The following ACTN2 variants were observed in gnomAD, a reference collection of about 807,000 sequenced individuals.
ACTN2 encodes alpha-actinin-2.
In ACTN2, 39 loss-of-function variants were observed where a neutral mutation model predicts 113.8. The observed-to-expected ratio is 0.34, with a 90% CI of 0.27 to 0.45. The LOEUF (loss-of-function observed/expected upper bound fraction) is 0.45. Ranked by LOEUF, ACTN2 falls within the 20% of genes least tolerant of loss-of-function variation. The pLI is 1.00. For synonymous variants in ACTN2, 429 were observed against 444.1 expected (o/e 0.97, Z 0.43); for missense variants, 992 against 1,177.9 (o/e 0.84, Z 2.31).
At chr1:236,689,459 C>T (rs1385390761) in intron 1 of ACTN2, among the ~76,000 whole-genome samples, 1 of 151,388 alleles carries the variant, frequency 6.6e-6, no homozygotes, top group Non-Finnish European at 1.5e-5. Context: ...TAGCCTTGAC[C>T]TCCTGGGCTC....
intron 1 of ACTN2, among the ~76,000 whole-genome samples, chr1:236,715,513 A>G (rs968758644): frequency 2.1e-4 from 32 of 152,290 alleles, no homozygotes; most frequent in Admixed American, 3.9e-4. Flanking sequence ...TGCACCATCC[A>G]ATACTACTAG....
chr1:236,747,193 G>A (rs1415981932), intron 12 of ACTN2, among the ~76,000 whole-genome samples: 2 of 152,166 alleles, frequency 1.3e-5, no homozygotes, highest in East Asian at 1.9e-4. Context: ...AGAAGACAAC[G>A]GTTCTCTCTG....
rs372642966 is a variant in ACTN2 at position 236,709,255 on chromosome 1, T to TACACACACAC, written c.127-8595_127-8586dup. Among the ~76,000 whole-genome samples the TACACACACAC allele has an allele frequency of 7.3e-4, 50 of 68,908 alleles. 2 individuals carry two copies. Among genetic ancestry groups the TACACACACAC allele is most frequent in the East Asian group, 5.6e-3 (15 of 2,672 alleles). 45.2% of individuals were successfully genotyped at this position (68,908 alleles called of 152,430 possible). On this transcript the variant is annotated intron_variant, in intron 1 of 20. Coordinates refer to ENST00000366578, the MANE Select transcript of ACTN2 (RefSeq NM_001103.4). ...ATATATATATATATATATATATATA[T>TACACACACAC]ACACACACACACACACATATATATG...
chr1:236,694,922 C>T (rs1275289275), intron 1 of ACTN2, among the ~76,000 whole-genome samples: 1 of 151,722 alleles, frequency 6.6e-6, no homozygotes, highest in African/African-American at 2.4e-5. Flanking sequence ...TAAAAATTAG[C>T]CGGTATGGTG....
At position 236,722,647 on chromosome 1, in the gene ACTN2, A is replaced by AAG. The variant is rs1359123792; in HGVS notation, c.448+2457_448+2458insGA. Among the ~76,000 whole-genome samples, 9 of 151,614 alleles carry AAG rather than the reference A, an allele frequency of 5.9e-5. No homozygotes were observed. In the East Asian group the frequency reaches 7.7e-4, roughly 13 times the overall value. On this transcript the variant is annotated intron_variant, in intron 4 of 20. Transcript: ENST00000366578. The stretch of plus-strand genomic sequence containing the variant: ...AAGACTCCGTCTCAAAAAAAAAAAA[A>AAG]AAAAGAAAAAGAAAATGAGAGATTA...
Position 236,754,731 on chromosome 1 carries a change from C to A in ACTN2, c.1975-288C>A, listed in dbSNP as rs1659502296. 6.6e-6 allele frequency among the ~76,000 whole-genome samples: 1 copy of A among 152,222 alleles called. No individual in the cohort carries two copies. The highest frequency in any genetic ancestry group is 1.5e-5 in the Non-Finnish European group (1 of 68,040). ...AGCTCTGCCCGAGGGCGTTTCCTTC[C>A]CACAGCAAGAAGCTGAAGGACTTAT... On this transcript the variant is annotated intron_variant, in intron 16 of 20. Transcript: ENST00000366578. This position sits in a 1 kb window ranked among gnomAD's most constrained non-coding sequence, Gnocchi z 4.9.
Position 236,749,223 on chromosome 1 carries a change from C to G in ACTN2, c.1615C>G (p.Leu539Val). 6.2e-7 allele frequency: 1 copy of G among 1,614,186 alleles called. No individual in the cohort carries two copies. The highest frequency in any genetic ancestry group is 8.5e-7 in the Non-Finnish European group (1 of 1,180,042). Residue 539 changes from leucine to valine, a missense_variant, in exon 14 of 21, where the codon CTG becomes GTG. By Grantham distance (32) the Leu-to-Val change is conservative (BLOSUM62 1). Coordinates refer to ENST00000366578, the MANE Select transcript of ACTN2 (RefSeq NM_001103.4). The part of the protein sequence containing the change: ...NNWMEGAMED[L>V]QDMFIVHSIE... ...TTGGATGGAGGGCGCTATGGAGGAT[C>G]TGCAAGATATGTTCATTGTCCACAG...
chr1:236,755,078 G>A lies in ACTN2; in HGVS notation c.2034G>A (p.Leu678=). Residue 678 remains leucine, a synonymous_variant, in exon 17 of 21, where the codon CTG becomes CTA. Coordinates refer to ENST00000366578, the MANE Select transcript of ACTN2 (RefSeq NM_001103.4). ...CCCTGGAAGACCAGATGAACCAGCTGAAGCAGTATGAGCACAACATCATCA... is the reference window on the plus strand; with the variant it reads ...CCCTGGAAGACCAGATGAACCAGCTAAAGCAGTATGAGCACAACATCATCA... ...TGALEDQMNQ[L]KQYEHNIINY... 6.2e-7 allele frequency: 1 copy of A among 1,614,222 alleles called. No individual in the cohort carries two copies. Among genetic ancestry groups the A allele is most frequent in the South Asian group, 1.1e-5 (1 of 91,092 alleles).
At chr1:236,723,437 A>G (rs746018679) in intron 4 of ACTN2, among the ~76,000 whole-genome samples, 66 of 152,164 alleles carry the variant, frequency 4.3e-4, no homozygotes, top group Admixed American at 4.6e-4. Context: ...AGTATGAACT[A>G]AAATGGACAG....
intron 1 of ACTN2, among the ~76,000 whole-genome samples, chr1:236,712,833 A>G (rs890077807): frequency 6.6e-6 from 1 of 152,150 alleles, no homozygotes; most frequent in Non-Finnish European, 1.5e-5. Flanking sequence ...GACTTTCACC[A>G]GCAATATTTG....
Position 236,712,904 on chromosome 1 carries a change from T to A in ACTN2, c.127-4954T>A, listed in dbSNP as rs1393547568. 4.2e-5 allele frequency among the ~76,000 whole-genome samples: 6 copies of A among 143,156 alleles called. No homozygotes were observed. The East Asian group carries it at 1.2e-3, about 29-fold the overall frequency. The allele number at this position is 143,156 out of a possible 152,430, so 93.9% of individuals were successfully genotyped here. On this transcript the variant is annotated intron_variant, in intron 1 of 20. Coordinates refer to ENST00000366578, the MANE Select transcript of ACTN2 (RefSeq NM_001103.4). ...TTATAAATGTTTATCTCATTATATG[T>A]TCTCTCCATCAGTTGCTTTTTTTTT...
intron 1 of ACTN2, among the ~76,000 whole-genome samples, chr1:236,699,458 T>G (rs977397177): frequency 6.6e-6 from 1 of 152,112 alleles, no homozygotes; most frequent in Non-Finnish European, 1.5e-5. Flanking sequence ...CTAAACTTCT[T>G]GAGAGTTTTA....
At chr1:236,724,502 T>C (rs1441470261) in intron 4 of ACTN2, among the ~76,000 whole-genome samples, 1 of 152,194 alleles carries the variant, frequency 6.6e-6, no homozygotes, top group African/African-American at 2.4e-5. Flanking sequence ...GGCTGACACC[T>C]GGGCCGAGAA....
At chr1:236,718,013 C>A (rs1658272380) in intron 2 of ACTN2, 41 bp downstream of exon 2, 2 of 1,459,266 alleles carry the variant, frequency 1.4e-6, no homozygotes, top group African/African-American at 1.4e-5. Flanking sequence ...CATGTGTTAT[C>A]AGTAGGTGAG....
At chr1:236,721,915 T>C (rs983840171) in intron 4 of ACTN2, among the ~76,000 whole-genome samples, 3 of 152,144 alleles carry the variant, frequency 2.0e-5, no homozygotes, top group African/African-American at 7.2e-5. Flanking sequence ...AATGGTATTA[T>C]CCATTAGAGT....
intron 20 of ACTN2, 27 bp downstream of exon 20, chr1:236,761,200 T>G: frequency 6.2e-7 from 1 of 1,613,942 alleles, no homozygotes; most frequent in African/African-American, 1.3e-5. Context: ...TTCCTTCTGC[T>G]TTAGCAGGAG....
chr1:236,716,809 C>T (rs1232228297), intron 1 of ACTN2, among the ~76,000 whole-genome samples: 3 of 150,010 alleles, frequency 2.0e-5, no homozygotes, highest in South Asian at 2.1e-4. Context: ...CACCCACCCT[C>T]TCCTCTAAAG....
Position 236,706,950 on chromosome 1 carries a change from T to C in ACTN2, c.127-10908T>C, listed in dbSNP as rs181154143. 2.0e-5 allele frequency among the ~76,000 whole-genome samples: 3 copies of C among 152,322 alleles called. 1 individual carries two copies. In the East Asian group the frequency reaches 5.8e-4, roughly 29 times the overall value. On this transcript the variant is annotated intron_variant, in intron 1 of 20. Transcript: ENST00000366578. ...TGGGTTTTTTGATTAATAATACGTATGCATGCAGACATGTAACAGCCTGGG... is the reference window on the plus strand; with the variant it reads ...TGGGTTTTTTGATTAATAATACGTACGCATGCAGACATGTAACAGCCTGGG...
At chr1:236,709,225 T>C (rs912460251) in intron 1 of ACTN2, among the ~76,000 whole-genome samples, 1 of 40,836 alleles carries the variant, frequency 2.4e-5, no homozygotes, top group Non-Finnish European at 5.1e-5. Flanking sequence ...TGACTGTATA[T>C]ATATATATAT....
Sources: allele counts gnomAD v4.1 joint callset (sites outside exome capture counted in the v4.1 genomes callset), GRCh38; gene constraint gnomAD v4.1.1; non-coding constraint Gnocchi (gnomAD v3.1); transcripts MANE v1.5; gene names NCBI Gene and HGNC (gene_info 2026-07-23, HGNC 2026-07-21).